CPM: variants seen among roughly 807,000 people sequenced by gnomAD.
CPM encodes carboxypeptidase M.
In CPM, 35 loss-of-function variants were observed where a neutral mutation model predicts 46.4. The observed-to-expected ratio is 0.75, with a 90% CI of 0.58 to 1.00. The LOEUF (loss-of-function observed/expected upper bound fraction) is 1.00, where lower values mean the gene tolerates loss of function less well. Ranked by LOEUF, CPM falls within the 50% of genes least tolerant of loss-of-function variation. CPM has a pLI of 0.00. For synonymous variants in CPM, 195 were observed against 195.3 expected, an observed-to-expected ratio of 1.00 and a Z score of 0.01; for missense variants, 422 against 530.4, an observed-to-expected ratio of 0.80 and a Z score of 2.01.
At chr12:68,867,159 T>A in intron 6 of CPM, 111 bp from the exon 7 acceptor site, 1 of 1,067,346 alleles carries the variant, frequency 9.4e-7, no homozygotes, top group Non-Finnish European at 1.4e-6. Flanking sequence ...CAGGAAAAAA[T>A]GAATTTGACA....
In CPM at chr12:68,955,154, C is replaced by T. The variant is rs1256997173; in HGVS notation, c.-4+8015G>A. Among the ~76,000 whole-genome samples the T allele has an allele frequency of 2.0e-5, 3 of 152,176 alleles. No individual in the cohort carries two copies. In the East Asian group the frequency reaches 5.8e-4, roughly 29 times the overall value. ...CTGGGCCGAGTGGGCAGAACGAGCC[C>T]AGGAGGCCCGAGTAAAACTCAGGCA... is the stretch of plus-strand genomic sequence containing the variant. On this transcript the variant is annotated intron_variant, in intron 1 of 8. Coordinates refer to the CPM transcript ENST00000546373.
At chr12:68,908,590 G>A (rs1463176901) in intron 2 of CPM, among the ~76,000 whole-genome samples, 2 of 152,024 alleles carry the variant, frequency 1.3e-5, no homozygotes, top group Admixed American at 6.6e-5. Context: ...TGTCAGACAT[G>A]AAATCTATCT....
chr12:68,844,544 G>T (rs759368720), intron 5 of CPM: 2 of 227,258 alleles, frequency 8.8e-6, no homozygotes, highest in East Asian at 6.3e-5. Flanking sequence ...ACTTGTCAGC[G>T]TGAAAAGTAA....
At chr12:68,947,621 ATT>A (rs1277569134) in intron 1 of CPM, among the ~76,000 whole-genome samples, 1 of 151,508 alleles carries the variant, frequency 6.6e-6, no homozygotes, top group African/African-American at 2.4e-5. Context: ...AAAAGAAAGA[ATT>A]TTTATATAAT....
intron 1 of CPM, among the ~76,000 whole-genome samples, chr12:68,947,814 TAA>T (rs1888872353): frequency 2.6e-5 from 4 of 151,862 alleles, no homozygotes; most frequent in African/African-American, 9.7e-5. Context: ...CCAGCTTTTT[TAA>T]AATTTTTTTT....
At chr12:68,890,868 T>C (rs896541510) in intron 2 of CPM, among the ~76,000 whole-genome samples, 53 of 152,250 alleles carry the variant, frequency 3.5e-4, no homozygotes, top group Admixed American at 1.9e-3. Context: ...GGCCCAGTCA[T>C]TGGGACAAAG....
intron 1 of CPM, among the ~76,000 whole-genome samples, chr12:68,950,885 A>G (rs554509867): frequency 1.3e-5 from 2 of 152,268 alleles, no homozygotes; most frequent in South Asian, 4.1e-4. Context: ...ACCTTCTCCA[A>G]CTTCATGTCC....
intron 7 of CPM, 108 bp downstream of exon 7, chr12:68,866,788 G>A: frequency 2.2e-6 from 2 of 905,504 alleles, no homozygotes; most frequent in South Asian, 3.3e-5. Flanking sequence ...ACTGAAATGA[G>A]GCTATAACTA....
intron 1 of CPM, among the ~76,000 whole-genome samples, chr12:68,944,329 GTCAC>G (rs1888808799): frequency 6.6e-6 from 1 of 152,182 alleles, no homozygotes; most frequent in Non-Finnish European, 1.5e-5. Context: ...GAGATAAGCA[GTCAC>G]TCAGTTGCCA....
At chr12:68,872,230 ATGC>A (rs372578780) in intron 3 of CPM, among the ~76,000 whole-genome samples, 77 of 147,376 alleles carry the variant, frequency 5.2e-4, no homozygotes, top group Middle Eastern at 7.0e-3. Context: ...GAGTGGAATA[ATGC>A]TGCTGCTGCT....
At chr12:68,884,599 T>C (rs924923169) in intron 3 of CPM, among the ~76,000 whole-genome samples, 2 of 152,220 alleles carry the variant, frequency 1.3e-5, no homozygotes, top group African/African-American at 2.4e-5. Flanking sequence ...GTAGTACTTA[T>C]TGGAATATGT....
chr12:68,864,891 C>A (rs1449403201), intron 7 of CPM, among the ~76,000 whole-genome samples: 1 of 152,140 alleles, frequency 6.6e-6, no homozygotes, highest in African/African-American at 2.4e-5. Flanking sequence ...TGCTGTGCAC[C>A]TGTAGTCCTA....
intron 1 of CPM, among the ~76,000 whole-genome samples, chr12:68,946,804 A>G (rs1178670319): frequency 6.6e-6 from 1 of 152,220 alleles, no homozygotes; most frequent in East Asian, 1.9e-4. Flanking sequence ...TTTCCAAATT[A>G]CAGAGAAATA....
intron 3 of CPM, among the ~76,000 whole-genome samples, chr12:68,878,189 C>T (rs771467606): frequency 1.4e-4 from 21 of 152,344 alleles, no homozygotes; most frequent in African/African-American, 3.1e-4. Context: ...ATGAAACCAA[C>T]TCCATCTTGC....
chr12:68,941,170 CGTGT>C lies in CPM; in HGVS notation c.-3-8334_-3-8331del, dbSNP rs370705580. ...AAGTAATTTGAAGATGTGCTGAGTA[CGTGT>C]GTGTGTGTGTGTGTGTGTGTGTGTG... On this transcript the variant is annotated intron_variant, in intron 1 of 8. Coordinates refer to the CPM transcript ENST00000546373. Among the ~76,000 whole-genome samples, 364 of 140,560 alleles carry C rather than the reference CGTGT, an allele frequency of 2.6e-3. 1 individual carries two copies. Among genetic ancestry groups the C allele is most frequent in the Middle Eastern group, 3.6e-3 (1 of 276 alleles). The allele number at this position is 140,560 out of a possible 152,430, so 92.2% of individuals were successfully genotyped here. A position where few individuals can be genotyped will look rare whatever the true frequency, so the allele number is the denominator to read the frequency against.
intron 1 of CPM, among the ~76,000 whole-genome samples, chr12:68,942,165 T>C (rs1181350770): frequency 2.0e-5 from 3 of 152,254 alleles, no homozygotes; most frequent in Non-Finnish European, 4.4e-5. Flanking sequence ...GTCTTTTTAA[T>C]AAGCATTTCT....
At position 68,915,462 on chromosome 12, in the gene CPM, C is replaced by T. The variant is rs114442135; in HGVS notation, c.160+17216G>A. On this transcript the variant is annotated intron_variant, in intron 2 of 8. Coordinates refer to ENST00000551568, the MANE Select transcript of CPM (RefSeq NM_198320.5). ...AGCATGTGTTTTCCCAGTCGCTTTA[C>T]CTGGAATTCCTACCACCTCCATCTC... Among the ~76,000 whole-genome samples, 335 of 152,294 alleles carry T rather than the reference C, an allele frequency of 2.2e-3. 4 individuals are homozygous for T. The highest frequency in any genetic ancestry group is 7.6e-3 in the African/African-American group (315 of 41,560).
intron 2 of CPM, among the ~76,000 whole-genome samples, chr12:68,915,494 T>A (rs1034575397): frequency 6.6e-6 from 1 of 152,234 alleles, no homozygotes; most frequent in Admixed American, 6.5e-5. Flanking sequence ...TCTCTCTGCC[T>A]GGTAATATCC....
rs187812771 is a variant in CPM at position 68,877,891 on chromosome 12, C to A, written c.259-5935G>T. Reference sequence around the variant, plus strand: ...GTCTGCGTAAACCATTAAAATACCCCCTAAGTAAAACATTTAGACATGCAA... The same window carrying A: ...GTCTGCGTAAACCATTAAAATACCCACTAAGTAAAACATTTAGACATGCAA... On this transcript the variant is annotated intron_variant, in intron 3 of 8. Transcript: ENST00000551568. 1.3e-3 allele frequency among the ~76,000 whole-genome samples: 194 copies of A among 152,274 alleles called. 1 individual carries two copies. Among genetic ancestry groups the A allele is most frequent in the African/African-American group, 4.0e-3 (166 of 41,546 alleles).
Sources: allele counts gnomAD v4.1 joint callset (sites outside exome capture counted in the v4.1 genomes callset), GRCh38; gene constraint gnomAD v4.1.1; transcripts MANE v1.5; gene names NCBI Gene and HGNC (gene_info 2026-07-23, HGNC 2026-07-21).